UBE3C: variants seen among roughly 807,000 people sequenced by gnomAD.
UBE3C encodes the protein ubiquitin protein ligase E3C.
A neutral mutation model predicts 129.4 loss-of-function variants in UBE3C; 42 were observed. The observed-to-expected ratio is 0.32, with a 90% CI of 0.25 to 0.42. The LOEUF is 0.42. Ranked by LOEUF, UBE3C falls within the 10% of genes least tolerant of loss-of-function variation. The pLI is 1.00. For synonymous variants in UBE3C, 510 were observed against 492.4 expected (o/e 1.04, Z -0.47); for missense variants, 1,049 against 1,319.1 (o/e 0.80, Z 3.17).
At chr7:157,171,686 ATTTTTTTTTTT>A (rs77471740) in intron 4 of UBE3C, among the ~76,000 whole-genome samples, 1,541 of 37,394 alleles carry the variant, frequency 0.041, 38 homozygotes, top group Non-Finnish European at 0.061. Context: ...ATATATATAT[ATTTTTTTTTTT>A]TTTTTTTTTT....
chr7:157,268,478 TGGA>T lies in UBE3C; in HGVS notation c.*732_*734del, dbSNP rs1244591961. On this transcript the variant is annotated 3_prime_UTR_variant, in exon 23 of 23. Transcript: ENST00000348165. ...GTGCCTGGAGAGCTTTCAGGGGAGGTGGAGGAGGAGGGTCTGCCAAGCTACTGC... is the reference window on the plus strand; with the variant it reads ...GTGCCTGGAGAGCTTTCAGGGGAGGTGGAGGAGGGTCTGCCAAGCTACTGC... 6.6e-6 allele frequency: 1 copy of T among 152,402 alleles called. No homozygotes were observed. The highest frequency in any genetic ancestry group is 1.5e-5 in the Non-Finnish European group (1 of 68,090). The allele number at this position is 152,402 out of a possible 1,614,324, so 9.4% of individuals were successfully genotyped here.
intron 9 of UBE3C, among the ~76,000 whole-genome samples, chr7:157,184,959 A>G (rs543933269): frequency 2.4e-4 from 36 of 152,288 alleles, no homozygotes; most frequent in African/African-American, 8.4e-4. Context: ...TTTATAGTGG[A>G]CAGTGGATGC....
At chr7:157,244,910 C>G (rs1796437006) in intron 18 of UBE3C, among the ~76,000 whole-genome samples, 1 of 152,132 alleles carries the variant, frequency 6.6e-6, no homozygotes, top group Non-Finnish European at 1.5e-5. Flanking sequence ...AAGCGTGGTA[C>G]AGCTGGCTGA....
At chr7:157,142,473 G>A (rs1015509652) in intron 1 of UBE3C, among the ~76,000 whole-genome samples, 4 of 152,082 alleles carry the variant, frequency 2.6e-5, no homozygotes, top group African/African-American at 7.2e-5. Flanking sequence ...AATTTCCCTT[G>A]GTCCTGATTC....
At chr7:157,220,169 C>T (rs1795698440) in intron 14 of UBE3C, among the ~76,000 whole-genome samples, 1 of 152,024 alleles carries the variant, frequency 6.6e-6, no homozygotes, top group South Asian at 2.1e-4. Context: ...TGAGGTCGCA[C>T]CACTGCATTC....
intron 18 of UBE3C, among the ~76,000 whole-genome samples, chr7:157,239,819 G>T (rs1040380522): frequency 6.6e-6 from 1 of 152,202 alleles, no homozygotes; most frequent in African/African-American, 2.4e-5. Flanking sequence ...GGCGCCACAG[G>T]CTGCGTGTCC....
chr7:157,260,298 G>T (rs1309489513), intron 22 of UBE3C, among the ~76,000 whole-genome samples: 1 of 152,202 alleles, frequency 6.6e-6, no homozygotes, highest in East Asian at 1.9e-4. Flanking sequence ...AAGACTTTGA[G>T]ACAGGGCCAG....
chr7:157,182,125 C>T lies in UBE3C; in HGVS notation c.788C>T (p.Ala263Val), dbSNP rs772490383. Residue 263 changes from alanine to valine, a missense_variant, in exon 8 of 23, where the codon GCC becomes GTC. This residue lies in a region of UBE3C where 489 missense variants were observed against 513.8 expected (regional missense o/e 0.95). Transcript: ENST00000348165. Reference protein sequence around the residue: ...PEGARQQVFTAFTEEFLAAPF... With the variant: ...PEGARQQVFTVFTEEFLAAPF... ...TTTTTCAGGCAACAAGTTTTTACAG[C>T]CTTCACAGAGGAGTTTCTGGCAGCA... The T allele has an allele frequency of 1.7e-5, 26 of 1,575,228 alleles. No homozygotes were observed. The highest frequency in any genetic ancestry group is 2.2e-5 in the Non-Finnish European group (26 of 1,166,388).
intron 17 of UBE3C, among the ~76,000 whole-genome samples, chr7:157,228,640 T>C (rs1795940234): frequency 6.6e-6 from 1 of 152,202 alleles, no homozygotes; most frequent in Non-Finnish European, 1.5e-5. Flanking sequence ...GTTTACCTGA[T>C]TCCCAAGGGT....
intron 10 of UBE3C, 82 bp from the exon 11 acceptor site, chr7:157,201,637 CTT>C (rs10713758): frequency 0.015 from 3,236 of 221,804 alleles, no homozygotes; most frequent in East Asian, 0.027. Flanking sequence ...CAGTGTATCG[CTT>C]TTTTTTTTTT....
At chr7:157,192,855 C>T in intron 10 of UBE3C, 1 of 893,356 alleles carries the variant, frequency 1.1e-6, no homozygotes, top group South Asian at 1.5e-5. Context: ...TAATAAAAGA[C>T]ATGAACTTAA....
intron 9 of UBE3C, among the ~76,000 whole-genome samples, chr7:157,185,609 G>A (rs899891594): frequency 2.0e-5 from 3 of 151,932 alleles, no homozygotes; most frequent in African/African-American, 7.3e-5. Context: ...CTTTCCCCTG[G>A]CACTTAATTA....
Position 157,231,328 on chromosome 7 carries a change from GTAAAGTAACCTTCATA to G in UBE3C, c.2481+6_2481+21del. 5.6e-6 allele frequency: 9 copies of G among 1,613,210 alleles called. No individual in the cohort carries two copies. The highest frequency in any genetic ancestry group is 7.6e-6 in the Non-Finnish European group (9 of 1,179,724). The stretch of plus-strand genomic sequence containing the variant: ...CTTCCTAGGCAGAATGCTTGGAAAG[GTAAAGTAACCTTCATA>G]TAAAAATAGACCTCGGACCAAAAGA... On this transcript the variant is annotated splice_donor_variant and splice_donor_5th_base_variant and intron_variant, in intron 18 of 22. Transcript: ENST00000348165. LOFTEE classifies it high-confidence loss of function.
intron 10 of UBE3C, chr7:157,198,270 TC>T: frequency 1.9e-6 from 2 of 1,068,238 alleles, no homozygotes; most frequent in East Asian, 4.7e-5. Flanking sequence ...TGAGGTGGTG[TC>T]CGTGGGCTCT....
At chr7:157,241,388 TA>T (rs1796319610) in intron 18 of UBE3C, among the ~76,000 whole-genome samples, 1 of 152,128 alleles carries the variant, frequency 6.6e-6, no homozygotes, top group Non-Finnish European at 1.5e-5. Flanking sequence ...GACTCCATGA[TA>T]AAAATGGGCG....
intron 22 of UBE3C, among the ~76,000 whole-genome samples, chr7:157,265,439 C>T (rs1797050353): frequency 6.6e-6 from 1 of 152,220 alleles, no homozygotes; most frequent in Non-Finnish European, 1.5e-5. Flanking sequence ...CCGACACGCC[C>T]ATAGGTCTCA....
intron 1 of UBE3C, among the ~76,000 whole-genome samples, chr7:157,154,717 A>G (rs1028443119): frequency 6.6e-6 from 1 of 152,222 alleles, no homozygotes; most frequent in Non-Finnish European, 1.5e-5. Context: ...TGATATTTAA[A>G]TGATTGCGTT....
chr7:157,242,316 CT>C (rs1264582969), intron 18 of UBE3C, among the ~76,000 whole-genome samples: 1 of 152,106 alleles, frequency 6.6e-6, no homozygotes, highest in African/African-American at 2.4e-5. Flanking sequence ...AACATAGTAC[CT>C]GATGGTAACG....
intron 6 of UBE3C, among the ~76,000 whole-genome samples, chr7:157,179,870 T>G (rs1267787646): frequency 6.6e-6 from 1 of 152,210 alleles, no homozygotes; most frequent in Non-Finnish European, 1.5e-5. Context: ...CTTAGTTTGT[T>G]GAAAACTTAG....
Sources: gnomAD v4.1 joint callset for allele counts (sites outside exome capture counted in the v4.1 genomes callset) on GRCh38, gnomAD v4.1.1 for gene constraint, gnomAD v4.1.1 regional missense constraint, MANE v1.5 for transcripts, NCBI Gene and HGNC (gene_info 2026-07-23, HGNC 2026-07-21) for gene names.